FBXL17: variants seen among roughly 807,000 people sequenced by gnomAD.
FBXL17 encodes F-box/LRR-repeat protein 17.
Under a neutral mutation model 66.2 loss-of-function variants are expected in FBXL17, and 22 were observed. The ratio of observed to expected loss-of-function variants is 0.33; its 90% CI spans 0.24 to 0.47. FBXL17 has a LOEUF of 0.47. FBXL17 is among the 20% of genes least tolerant of loss of function. FBXL17 has a pLI of 1.00. For missense variants in FBXL17, 878 were observed against 948.2 expected, an observed-to-expected ratio of 0.93 and a Z score of 0.97; for synonymous variants, 474 against 400.5, an observed-to-expected ratio of 1.18 and a Z score of -2.19.
rs1047781532 is a variant in FBXL17, at chr5:107,859,664, G to A, written c.*2056C>T. The A allele has an allele frequency of 1.3e-5, 2 of 148,228 alleles. No individual in the cohort carries two copies. The highest frequency in any genetic ancestry group is 4.0e-4 in the East Asian group (2 of 5,008). 9.2% of individuals were successfully genotyped at this position (148,228 alleles called of 1,614,324 possible). A position where few individuals can be genotyped will look rare whatever the true frequency, so the allele number is the denominator to read the frequency against. ...TCTGAAACCATTTGACAACCAAACTGTAACACTCCAAAGGTTATTACAACT... is the reference window on the plus strand; with the variant it reads ...TCTGAAACCATTTGACAACCAAACTATAACACTCCAAAGGTTATTACAACT... On this transcript the variant is annotated 3_prime_UTR_variant, in exon 9 of 9. Transcript: ENST00000542267.
chr5:108,162,061 A>C (rs777465204), intron 6 of FBXL17, among the ~76,000 whole-genome samples: 6 of 152,264 alleles, frequency 3.9e-5, no homozygotes, highest in Non-Finnish European at 5.9e-5. Context: ...AATTATTGCT[A>C]AATTATAAAC....
intron 5 of FBXL17, among the ~76,000 whole-genome samples, chr5:108,211,732 C>T (rs548476757): frequency 2.6e-5 from 4 of 152,136 alleles, no homozygotes; most frequent in Non-Finnish European, 5.9e-5. Flanking sequence ...GTGGGTAACC[C>T]AACCTTTCTC....
At chr5:108,259,041 G>A (rs557960465) in intron 4 of FBXL17, among the ~76,000 whole-genome samples, 2 of 152,232 alleles carry the variant, frequency 1.3e-5, no homozygotes, top group South Asian at 4.1e-4. Context: ...ACAAGTGTCT[G>A]TGCGTTAAAA....
At chr5:107,954,005 G>C (rs78149510) in intron 7 of FBXL17, among the ~76,000 whole-genome samples, 3,469 of 152,254 alleles carry the variant, frequency 0.023, 123 homozygotes, top group African/African-American at 0.077. Flanking sequence ...ACCTAGATAA[G>C]TTTATGATTA....
intron 4 of FBXL17, among the ~76,000 whole-genome samples, chr5:108,340,252 CA>C (rs35588897): frequency 6.6e-6 from 1 of 151,370 alleles, no homozygotes. Context: ...ATTATACTGT[CA>C]AAAAAACGTG....
intron 7 of FBXL17, among the ~76,000 whole-genome samples, chr5:107,910,851 A>T (rs1467285996): frequency 6.6e-6 from 1 of 152,092 alleles, no homozygotes; most frequent in African/African-American, 2.4e-5. Context: ...AATATGAAAT[A>T]GCTTTGTTGA....
chr5:107,914,682 T>G (rs796499711), intron 7 of FBXL17, among the ~76,000 whole-genome samples: 6 of 152,328 alleles, frequency 3.9e-5, no homozygotes, highest in African/African-American at 1.4e-4. Flanking sequence ...GCTCAGAGGA[T>G]TCTTTCTTTC....
intron 7 of FBXL17, among the ~76,000 whole-genome samples, chr5:107,977,125 A>G (rs903544041): frequency 2.0e-5 from 3 of 152,204 alleles, no homozygotes; most frequent in Non-Finnish European, 4.4e-5. Context: ...TTCATGTATT[A>G]TACTAAGTTA....
chr5:108,052,368 C>T (rs1747519591), intron 6 of FBXL17, among the ~76,000 whole-genome samples: 1 of 152,126 alleles, frequency 6.6e-6, no homozygotes, highest in Non-Finnish European at 1.5e-5. Context: ...TCTCAGGATA[C>T]AAAATCAATG....
At chr5:108,032,188 T>A (rs1746667354) in intron 6 of FBXL17, among the ~76,000 whole-genome samples, 1 of 152,194 alleles carries the variant, frequency 6.6e-6, no homozygotes, top group South Asian at 2.1e-4. Flanking sequence ...TCTGGGGCTT[T>A]AATATTTGAC....
Position 108,343,519 on chromosome 5 carries a change from G to A in FBXL17, c.1506+4880C>T, listed in dbSNP as rs150768356. Among the ~76,000 whole-genome samples, 370 of 152,222 alleles carry A rather than the reference G, an allele frequency of 2.4e-3. 2 individuals carry two copies. Among genetic ancestry groups the A allele is most frequent in the African/African-American group, 8.7e-3 (360 of 41,524 alleles). On this transcript the variant is annotated intron_variant, in intron 4 of 8. Coordinates refer to ENST00000542267, the MANE Select transcript of FBXL17 (RefSeq NM_001163315.3). ...GAGAAATAAGACATCAAGATTATAG[G>A]AGGGGAACTAAGGGTGCGGACAACC... is the stretch of plus-strand genomic sequence containing the variant.
intron 4 of FBXL17, among the ~76,000 whole-genome samples, chr5:108,234,264 G>C (rs1362263681): frequency 6.6e-6 from 1 of 152,108 alleles, no homozygotes; most frequent in East Asian, 1.9e-4. Context: ...TTGCCACCGG[G>C]TTGAAGAGAG....
At chr5:107,934,651 C>T (rs899613239) in intron 7 of FBXL17, among the ~76,000 whole-genome samples, 7 of 152,050 alleles carry the variant, frequency 4.6e-5, no homozygotes, top group Admixed American at 1.3e-4. Flanking sequence ...GCTCTGGTTA[C>T]CATATCTGAA....
intron 6 of FBXL17, among the ~76,000 whole-genome samples, chr5:108,156,460 T>C (rs960881255): frequency 6.6e-6 from 1 of 152,010 alleles, no homozygotes; most frequent in Non-Finnish European, 1.5e-5. Context: ...ATCCTATTTA[T>C]ATATCTTAGA....
intron 1 of FBXL17, among the ~76,000 whole-genome samples, chr5:108,376,872 C>T (rs1749463342): frequency 6.7e-6 from 1 of 150,132 alleles, no homozygotes; most frequent in South Asian, 2.1e-4. Context: ...CTGCAACCTC[C>T]ACCCACGGGT....
chr5:108,276,603 T>G (rs927904479), intron 4 of FBXL17, among the ~76,000 whole-genome samples: 4 of 152,098 alleles, frequency 2.6e-5, no homozygotes, highest in South Asian at 2.1e-4. Context: ...GCAGTAAAAT[T>G]TCTTACTAAG....
At chr5:107,908,052 C>T (rs1749822992) in intron 7 of FBXL17, among the ~76,000 whole-genome samples, 1 of 152,158 alleles carries the variant, frequency 6.6e-6, no homozygotes, top group South Asian at 2.1e-4. Context: ...ACCGAAATGT[C>T]CAACAATGAT....
chr5:108,223,126 G>A (rs909351822), intron 5 of FBXL17, among the ~76,000 whole-genome samples: 6 of 152,144 alleles, frequency 3.9e-5, no homozygotes, highest in South Asian at 2.1e-4. Flanking sequence ...TCCAATCTGA[G>A]GTTATAATGG....
intron 5 of FBXL17, among the ~76,000 whole-genome samples, chr5:108,197,447 C>A (rs1753724070): frequency 6.6e-6 from 1 of 152,082 alleles, no homozygotes; most frequent in African/African-American, 2.4e-5. Flanking sequence ...AATTTCGAAC[C>A]AATTTCAGTC....
Sources: allele counts gnomAD v4.1 joint callset (sites outside exome capture counted in the v4.1 genomes callset), GRCh38; gene constraint gnomAD v4.1.1; transcripts MANE v1.5; gene names NCBI Gene and HGNC (gene_info 2026-07-23, HGNC 2026-07-21).